The following SNTG2 variants were observed in gnomAD, a reference collection of about 807,000 sequenced individuals.
SNTG2 encodes the protein syntrophin gamma 2.
A neutral mutation model predicts 70.9 loss-of-function variants in SNTG2; 74 were observed. The observed-to-expected ratio is 1.04, with a 90% CI of 0.86 to 1.27. The LOEUF (loss-of-function observed/expected upper bound fraction) is 1.27. Among genes scored for constraint, SNTG2 ranks in the 50% most tolerant of loss-of-function variants. SNTG2 has a pLI of 0.00. For missense variants in SNTG2, 717 were observed against 690.7 expected (o/e 1.04, Z -0.43); for synonymous variants, 278 against 273.8 (o/e 1.02, Z -0.15).
At chr2:1,347,182 C>A (rs1047809252) in intron 16 of SNTG2, among the ~76,000 whole-genome samples, 4 of 152,126 alleles carry the variant, frequency 2.6e-5, no homozygotes, top group South Asian at 2.1e-4. Context: ...CCATAACAGG[C>A]AGGGGCTCTG....
chr2:1,163,489 G>GGGCATGTGAGGCCTCCCAACAGGAAGT (rs1670481091), intron 6 of SNTG2: 3 of 151,858 alleles, frequency 2.0e-5, no homozygotes, highest in Admixed American at 6.6e-5. Flanking sequence ...AACAGGAAGT[G>GGGCATGTGAGGCCTCCCAACAGGAAGT]GGCATGTGAG....
chr2:1,151,013 A>G (rs66522179), intron 6 of SNTG2, among the ~76,000 whole-genome samples: 142,778 of 152,286 alleles, frequency 0.94, 67,050 homozygotes, highest in Non-Finnish European at 0.97. Flanking sequence ...TGGGTGATGC[A>G]TTTGATTTGT....
intron 16 of SNTG2, among the ~76,000 whole-genome samples, chr2:1,355,519 C>G (rs1266569627): frequency 6.6e-6 from 1 of 152,228 alleles, no homozygotes; most frequent in Non-Finnish European, 1.5e-5. Context: ...TCAACAATAA[C>G]AGTGTATCCT....
chr2:1,136,783 C>A (rs1228955496), intron 4 of SNTG2, among the ~76,000 whole-genome samples: 1 of 152,178 alleles, frequency 6.6e-6, no homozygotes, highest in African/African-American at 2.4e-5. Flanking sequence ...GCCTCTCTGA[C>A]AATGGAAAGG....
At chr2:1,085,987 A>C (rs983555099) in intron 2 of SNTG2, among the ~76,000 whole-genome samples, 4 of 152,238 alleles carry the variant, frequency 2.6e-5, no homozygotes, top group African/African-American at 9.6e-5. Flanking sequence ...AAAATTTCAC[A>C]TCTTCATTTT....
chr2:1,131,454 A>T (rs1171970138), intron 4 of SNTG2, among the ~76,000 whole-genome samples: 2 of 152,056 alleles, frequency 1.3e-5, no homozygotes, highest in Non-Finnish European at 2.9e-5. Context: ...CTGTCAGATT[A>T]TGTATTTTAG....
At chr2:1,168,739 G>A (rs1224335036) in intron 7 of SNTG2, among the ~76,000 whole-genome samples, 1 of 152,168 alleles carries the variant, frequency 6.6e-6, no homozygotes, top group African/African-American at 2.4e-5. Flanking sequence ...TTCACTGCAT[G>A]CCTTGCCATC....
rs186927221 is a variant in SNTG2, at chr2:1,115,833, C to T, written c.325+17423C>T. Among the ~76,000 whole-genome samples, 7 of 152,342 alleles carry T rather than the reference C, an allele frequency of 4.6e-5. No individual in the cohort carries two copies. In the East Asian group the frequency reaches 9.7e-4, roughly 21 times the overall value. The stretch of plus-strand genomic sequence containing the variant: ...AGTCTCCCTTGTGCAGGGACAGTCA[C>T]TGAAGTTTGGGGAAGTCTAGGAATT... On this transcript the variant is annotated intron_variant, in intron 4 of 16. Coordinates refer to ENST00000308624, the MANE Select transcript of SNTG2 (RefSeq NM_018968.4).
At chr2:957,715 A>T (rs1408795386) in intron 1 of SNTG2, among the ~76,000 whole-genome samples, 1 of 151,772 alleles carries the variant, frequency 6.6e-6, no homozygotes, top group Non-Finnish European at 1.5e-5. Flanking sequence ...ACTGGTACTG[A>T]GACTGAGACT....
At chr2:1,203,365 A>G (rs1673397543) in intron 8 of SNTG2, among the ~76,000 whole-genome samples, 3 of 152,094 alleles carry the variant, frequency 2.0e-5, no homozygotes, top group African/African-American at 4.8e-5. Flanking sequence ...AAGAGTGACA[A>G]ATGTTACACA....
intron 4 of SNTG2, among the ~76,000 whole-genome samples, chr2:1,134,405 AC>A (rs748708789): frequency 2.5e-4 from 38 of 151,874 alleles, no homozygotes; most frequent in Non-Finnish European, 5.4e-4. Flanking sequence ...TGAGCTAGAC[AC>A]AAAGGTTCTC....
intron 16 of SNTG2, among the ~76,000 whole-genome samples, chr2:1,354,801 C>G (rs147055699): frequency 6.6e-6 from 1 of 152,210 alleles, no homozygotes; most frequent in Non-Finnish European, 1.5e-5. Context: ...ATTGCGAATG[C>G]GATCGGCTGG....
At chr2:1,095,782 C>T (rs1665352563) in intron 2 of SNTG2, among the ~76,000 whole-genome samples, 2 of 152,184 alleles carry the variant, frequency 1.3e-5, no homozygotes, top group Non-Finnish European at 2.9e-5. Context: ...CTAACAGCTA[C>T]AATTTTAAAA....
chr2:1,029,276 A>G (rs1211957869), intron 1 of SNTG2, among the ~76,000 whole-genome samples: 1 of 152,234 alleles, frequency 6.6e-6, no homozygotes, highest in Admixed American at 6.5e-5. Context: ...GGAGGTGGTA[A>G]TTAACACAAA....
At chr2:1,284,177 C>T (rs144486145) in intron 14 of SNTG2, among the ~76,000 whole-genome samples, 1 of 152,160 alleles carries the variant, frequency 6.6e-6, no homozygotes, top group African/African-American at 2.4e-5. Context: ...GAACTAAGAG[C>T]GCTGGTGGTA....
chr2:1,257,494 T>G (rs1230552416), intron 12 of SNTG2, among the ~76,000 whole-genome samples: 1 of 152,090 alleles, frequency 6.6e-6, no homozygotes, highest in Non-Finnish European at 1.5e-5. Flanking sequence ...AGAAAGGGGC[T>G]TAATAAACAG....
At chr2:1,228,277 A>G (rs181002401) in intron 9 of SNTG2, among the ~76,000 whole-genome samples, 3 of 152,348 alleles carry the variant, frequency 2.0e-5, no homozygotes, top group Admixed American at 1.3e-4. Flanking sequence ...CATTTACAAA[A>G]TATGGTTCTC....
intron 4 of SNTG2, among the ~76,000 whole-genome samples, chr2:1,122,453 ATT>A: frequency 6.6e-6 from 1 of 152,304 alleles, no homozygotes; most frequent in East Asian, 1.9e-4. Flanking sequence ...CCAGTTTAAC[ATT>A]TTCAGATTAA....
chr2:1,193,466 A>G (rs1459922846), intron 8 of SNTG2, among the ~76,000 whole-genome samples: 2 of 152,150 alleles, frequency 1.3e-5, no homozygotes, highest in South Asian at 2.1e-4. Context: ...TATTTTTCTG[A>G]GATACTAAAT....
Sources: allele counts gnomAD v4.1 joint callset (sites outside exome capture counted in the v4.1 genomes callset), GRCh38; gene constraint gnomAD v4.1.1; transcripts MANE v1.5; gene names NCBI Gene and HGNC (gene_info 2026-07-23, HGNC 2026-07-21).